The following SPATA17 variants were observed in gnomAD, a reference collection of about 807,000 sequenced individuals.
SPATA17 encodes the protein spermatogenesis-associated protein 17.
SPATA17 carries 53 observed loss-of-function variants against 62.2 expected under a neutral mutation model. The ratio of observed to expected loss-of-function variants is 0.85; its 90% CI spans 0.68 to 1.07. SPATA17 has a LOEUF of 1.07. Among genes scored for constraint, SPATA17 ranks in the 50% least tolerant of loss-of-function variants. The pLI is 0.00. For missense variants in SPATA17, 466 were observed against 425.5 expected (o/e 1.10, Z -0.84); for synonymous variants, 146 against 146.8 (o/e 0.99, Z 0.04).
At chr1:217,794,267 A>T (rs1045477073) in intron 8 of SPATA17, among the ~76,000 whole-genome samples, 1 of 152,202 alleles carries the variant, frequency 6.6e-6, no homozygotes, top group Non-Finnish European at 1.5e-5. Context: ...TTGGGAATTA[A>T]CATCACATTA....
intron 6 of SPATA17, among the ~76,000 whole-genome samples, chr1:217,754,625 T>C (rs1301394534): frequency 3.9e-5 from 6 of 152,202 alleles, no homozygotes; most frequent in Non-Finnish European, 8.8e-5. Context: ...ATCCTAGCTC[T>C]TCAGTGAGAT....
At chr1:217,752,740 C>G (rs10863342) in intron 6 of SPATA17, among the ~76,000 whole-genome samples, 116,405 of 152,036 alleles carry the variant, frequency 0.77, 44,958 homozygotes, top group Non-Finnish European at 0.81. Context: ...GGCTAGCTTT[C>G]GGCTGTGTGC....
At chr1:217,703,099 C>G (rs1671639735) in intron 5 of SPATA17, among the ~76,000 whole-genome samples, 2 of 151,386 alleles carry the variant, frequency 1.3e-5, no homozygotes, top group African/African-American at 2.4e-5. Context: ...TGGTCTCAAA[C>G]TCCTAAACTC....
At chr1:217,717,278 G>A (rs1256516137) in intron 5 of SPATA17, among the ~76,000 whole-genome samples, 2 of 152,128 alleles carry the variant, frequency 1.3e-5, no homozygotes, top group Middle Eastern at 3.2e-3. Context: ...CTTAAAATGG[G>A]AATTTGGTTA....
intron 1 of SPATA17, among the ~76,000 whole-genome samples, chr1:217,636,818 C>A (rs1558546451): frequency 6.6e-6 from 1 of 152,098 alleles, no homozygotes; most frequent in Non-Finnish European, 1.5e-5. Context: ...CTTTTTGGTG[C>A]CAGTTTTTGC....
At chr1:217,749,824 A>G (rs4846432) in intron 6 of SPATA17, among the ~76,000 whole-genome samples, 114,672 of 149,914 alleles carry the variant, frequency 0.76, 44,278 homozygotes, top group Non-Finnish European at 0.81. Flanking sequence ...CAGCGTAAGC[A>G]TTCAAAATTC....
At chr1:217,645,581 G>C (rs1158064022) in intron 1 of SPATA17, among the ~76,000 whole-genome samples, 2 of 152,052 alleles carry the variant, frequency 1.3e-5, no homozygotes, top group Non-Finnish European at 2.9e-5. Context: ...AATGGTAAAA[G>C]GTTTAAATAA....
intron 5 of SPATA17, among the ~76,000 whole-genome samples, chr1:217,733,358 G>C (rs1672439909): frequency 6.6e-6 from 1 of 152,136 alleles, no homozygotes; most frequent in Non-Finnish European, 1.5e-5. Context: ...GAATGATCCA[G>C]TCTTATTTCA....
intron 5 of SPATA17, among the ~76,000 whole-genome samples, chr1:217,690,926 T>C (rs1671338592): frequency 6.8e-6 from 1 of 146,770 alleles, no homozygotes; most frequent in African/African-American, 2.6e-5. Flanking sequence ...TCTTTGCTAT[T>C]GTGAATAATG....
chr1:217,703,550 C>G (rs539890326), intron 5 of SPATA17, among the ~76,000 whole-genome samples: 3 of 152,194 alleles, frequency 2.0e-5, no homozygotes, highest in African/African-American at 7.2e-5. Context: ...GAAGACAGCT[C>G]TCTAGTATCT....
intron 5 of SPATA17, among the ~76,000 whole-genome samples, chr1:217,700,240 C>A (rs1469044334): frequency 6.6e-6 from 1 of 151,980 alleles, no homozygotes. Flanking sequence ...AATCTGTAGA[C>A]CAATTTGGGA....
intron 3 of SPATA17, among the ~76,000 whole-genome samples, chr1:217,660,199 T>A (rs1670536153): frequency 6.6e-6 from 1 of 152,190 alleles, no homozygotes; most frequent in Non-Finnish European, 1.5e-5. Flanking sequence ...GATCAACTTT[T>A]CCTAATCTTA....
chr1:217,806,587 C>T (rs943920198), intron 9 of SPATA17, among the ~76,000 whole-genome samples: 20 of 152,166 alleles, frequency 1.3e-4, no homozygotes, highest in African/African-American at 4.8e-4. Context: ...GGCATCTTAG[C>T]TGGTATAATC....
intron 9 of SPATA17, among the ~76,000 whole-genome samples, chr1:217,842,691 T>C (rs1256094961): frequency 6.6e-6 from 1 of 152,010 alleles, no homozygotes; most frequent in Non-Finnish European, 1.5e-5. Context: ...GATTTTTAAA[T>C]TTCATCAATC....
intron 8 of SPATA17, among the ~76,000 whole-genome samples, chr1:217,788,699 G>A (rs555921065): frequency 3.3e-5 from 5 of 152,190 alleles, no homozygotes; most frequent in East Asian, 1.9e-4. Context: ...CACAAAAGGC[G>A]AGGAAATTGA....
intron 1 of SPATA17, among the ~76,000 whole-genome samples, chr1:217,632,231 C>T (rs1272439712): frequency 6.6e-6 from 1 of 151,888 alleles, no homozygotes; most frequent in Non-Finnish European, 1.5e-5. Context: ...ATGAAAGTGT[C>T]TAAACCATTC....
intron 4 of SPATA17, among the ~76,000 whole-genome samples, 200 bp from the exon 5 acceptor site, chr1:217,683,056 TTA>T (rs2102906051): frequency 6.6e-6 from 1 of 150,964 alleles, no homozygotes; most frequent in Non-Finnish European, 1.5e-5. Context: ...TAGCCTATAA[TTA>T]TGTTTATTTT....
intron 9 of SPATA17, among the ~76,000 whole-genome samples, chr1:217,858,920 T>C (rs1675837908): frequency 6.6e-6 from 1 of 151,770 alleles, no homozygotes; most frequent in South Asian, 2.1e-4. Context: ...CCCAGCCTCT[T>C]GGGAGGCTGA....
intron 6 of SPATA17, among the ~76,000 whole-genome samples, chr1:217,743,858 C>T (rs71647105): frequency 6.6e-6 from 1 of 152,104 alleles, no homozygotes; most frequent in Admixed American, 6.5e-5. Flanking sequence ...ATCCCCCCGC[C>T]TGGGCCTCCC....
Sources: allele counts gnomAD v4.1 joint callset (sites outside exome capture counted in the v4.1 genomes callset), GRCh38; gene constraint gnomAD v4.1.1; transcripts MANE v1.5; gene names NCBI Gene and HGNC (gene_info 2026-07-23, HGNC 2026-07-21).